Variants in RFX4 observed in about 807,000 individuals in gnomAD.
RFX4 encodes regulatory factor X4, also known as transcription factor RFX4.
Under a neutral mutation model 95.0 loss-of-function variants are expected in RFX4, and 10 were observed. The ratio of observed to expected loss-of-function variants is 0.11; its 90% confidence interval spans 0.06 to 0.18. The LOEUF is 0.18. RFX4 is among the 10% of genes least tolerant of loss of function. The pLI is 1.00. For missense variants in RFX4, 640 were observed against 922.0 expected (o/e 0.69, Z 3.96); for synonymous variants, 321 against 340.7 (o/e 0.94, Z 0.64).
chr12:106,700,403 CTTT>C (rs989886928), intron 8 of RFX4, among the ~76,000 whole-genome samples: 2 of 122,692 alleles, frequency 1.6e-5, no homozygotes, highest in Admixed American at 1.7e-4. Flanking sequence ...TCTTCTTTTT[CTTT>C]TTTTTTTTTT....
At chr12:106,693,421 C>T (rs188855515) in intron 7 of RFX4, among the ~76,000 whole-genome samples, 1 of 152,310 alleles carries the variant, frequency 6.6e-6, no homozygotes, top group African/African-American at 2.4e-5. Flanking sequence ...CTTTTCTAGA[C>T]ATTCTGCTAG....
At chr12:106,659,282 A>G (rs2041023851) in intron 4 of RFX4, among the ~76,000 whole-genome samples, 1 of 152,086 alleles carries the variant, frequency 6.6e-6, no homozygotes, top group Non-Finnish European at 1.5e-5. Context: ...GAAGAGTGTG[A>G]TCTGATCTTC....
chr12:106,672,974 G>A (rs1449963908), intron 4 of RFX4, among the ~76,000 whole-genome samples: 2 of 152,128 alleles, frequency 1.3e-5, no homozygotes, highest in Admixed American at 1.3e-4. Flanking sequence ...TTCTTTACTT[G>A]AGATTGCCTT....
At chr12:106,738,829 A>T (rs1381615376) in intron 15 of RFX4, among the ~76,000 whole-genome samples, 1 of 152,216 alleles carries the variant, frequency 6.6e-6, no homozygotes, top group Non-Finnish European at 1.5e-5. Context: ...TATAAAGCAC[A>T]AACTATTTAC....
At chr12:106,741,965 C>G (rs1168959576) in intron 15 of RFX4, among the ~76,000 whole-genome samples, 1 of 152,162 alleles carries the variant, frequency 6.6e-6, no homozygotes, top group East Asian at 1.9e-4. Flanking sequence ...AGGCAGAGCT[C>G]AGGCAGTAAT....
intron 3 of RFX4, among the ~76,000 whole-genome samples, chr12:106,647,683 A>G (rs2040775252): frequency 6.6e-6 from 1 of 152,134 alleles, no homozygotes; most frequent in Middle Eastern, 3.2e-3. Context: ...CTGCCATCAA[A>G]GGACTTTCAG....
At chr12:106,645,902 T>A in intron 3 of RFX4, 1 of 1,289,102 alleles carries the variant, frequency 7.8e-7, no homozygotes, top group Middle Eastern at 2.1e-4. Context: ...TGTGACTGTG[T>A]CCCTCCGGAT....
intron 5 of RFX4, chr12:106,685,002 C>T (rs201218906): frequency 4.2e-5 from 66 of 1,576,224 alleles, no homozygotes; most frequent in Non-Finnish European, 5.3e-5. Flanking sequence ...TTCAAAATGC[C>T]TTCTCATCTG....
At chr12:106,702,720 C>T (rs948257353) in intron 8 of RFX4, among the ~76,000 whole-genome samples, 1 of 152,186 alleles carries the variant, frequency 6.6e-6, no homozygotes, top group Non-Finnish European at 1.5e-5. Context: ...GGTTACAGAG[C>T]TTTCTCTTTT....
At chr12:106,601,345 T>A (rs370176330) in intron 1 of RFX4, 5 of 1,580,072 alleles carry the variant, frequency 3.2e-6, no homozygotes. Context: ...GCCGTTCCAC[T>A]GGTAATGACC....
intron 3 of RFX4, 31 bp from the exon 4 acceptor site, chr12:106,654,196 AT>A: frequency 6.2e-7 from 1 of 1,613,522 alleles, no homozygotes; most frequent in Non-Finnish European, 8.5e-7. Flanking sequence ...AAGGTAACAC[AT>A]TTTTTGCTCA....
intron 7 of RFX4, among the ~76,000 whole-genome samples, chr12:106,695,621 GTCAGTCACACACACT>G (rs1738997808): frequency 6.6e-6 from 1 of 152,174 alleles, no homozygotes; most frequent in South Asian, 2.1e-4. Context: ...GTTTTAAAAA[GTCAGTCACACACACT>G]TCATGTGCCC....
At position 106,748,022 on chromosome 12, in the gene RFX4, G is replaced by A. The variant is rs141767946; in HGVS notation, c.1796+423G>A. Among the ~76,000 whole-genome samples, 81 of 152,102 alleles carry A rather than the reference G, an allele frequency of 5.3e-4. 1 individual carries two copies. The East Asian group carries it at 6.0e-3, about 11-fold the overall frequency. Reference sequence around the variant, plus strand: ...AACAGGAAGGGTGCTACCCTTTGCTGAGTTCCCACAATATCCTGAGCACTG... The same window carrying A: ...AACAGGAAGGGTGCTACCCTTTGCTAAGTTCCCACAATATCCTGAGCACTG... On this transcript the variant is annotated intron_variant, in intron 16 of 17. Coordinates refer to ENST00000392842, the MANE Select transcript of RFX4 (RefSeq NM_213594.3).
intron 7 of RFX4, among the ~76,000 whole-genome samples, chr12:106,689,745 A>G (rs995864044): frequency 2.6e-5 from 4 of 152,222 alleles, no homozygotes; most frequent in South Asian, 2.1e-4. Flanking sequence ...TCTATTTTGT[A>G]TATTTAGGCT....
chr12:106,743,822 C>G (rs188897939), intron 15 of RFX4, among the ~76,000 whole-genome samples: 1 of 152,172 alleles, frequency 6.6e-6, no homozygotes, highest in Non-Finnish European at 1.5e-5. Flanking sequence ...CCATTGACCT[C>G]GCTGTGCTCG....
At chr12:106,684,733 G>C in intron 5 of RFX4, 1 of 1,518,920 alleles carries the variant, frequency 6.6e-7, no homozygotes, top group African/African-American at 1.4e-5. Context: ...TATGACAGTT[G>C]AGAAGTAGTA....
intron 4 of RFX4, among the ~76,000 whole-genome samples, chr12:106,669,239 A>C (rs1201130112): frequency 6.6e-6 from 1 of 152,062 alleles, no homozygotes. Flanking sequence ...CCTCCCCCAC[A>C]CTGGATCCAG....
chr12:106,583,949 C>T (rs1267307940), intron 1 of RFX4, among the ~76,000 whole-genome samples: 4 of 152,218 alleles, frequency 2.6e-5, no homozygotes, highest in African/African-American at 9.6e-5. Context: ...GGTGGGAGTC[C>T]TGGGCTGTGG....
Position 106,696,156 on chromosome 12 carries a change from G to A in RFX4, c.670-127G>A, listed in dbSNP as rs556266379. On this transcript the variant is annotated intron_variant, in intron 7 of 17. Coordinates refer to ENST00000392842, the MANE Select transcript of RFX4 (RefSeq NM_213594.3). ...TCCTACAACATGGCAGGCTGGGGGT[G>A]ACTTCTGCTGCCGCAGGGGAAGTAG... The A allele has an allele frequency of 1.8e-4, 200 of 1,095,076 alleles. No individual in the cohort carries two copies. The African/African-American group carries it at 2.8e-3, about 15-fold the overall frequency. 67.8% of individuals were successfully genotyped at this position (1,095,076 alleles called of 1,614,324 possible). A position where few individuals can be genotyped will look rare whatever the true frequency, so the allele number is the denominator to read the frequency against.
Sources: allele counts gnomAD v4.1 joint callset (sites outside exome capture counted in the v4.1 genomes callset), GRCh38; gene constraint gnomAD v4.1.1; transcripts MANE v1.5; gene names NCBI Gene and HGNC (gene_info 2026-07-23, HGNC 2026-07-21).